Variants in CLSTN2 observed in about 807,000 individuals in gnomAD.
CLSTN2 encodes calsyntenin 2, also known as calsyntenin-2.
In CLSTN2, 48 loss-of-function variants were observed where a neutral mutation model predicts 101.2. The ratio of observed to expected loss-of-function variants is 0.47; its 90% CI spans 0.38 to 0.60. CLSTN2 has a LOEUF of 0.60. Among genes scored for constraint, CLSTN2 ranks in the 20% least tolerant of loss-of-function variants. The pLI is 0.00. For missense variants in CLSTN2, 1,160 were observed against 1,238.2 expected, an observed-to-expected ratio of 0.94 and a Z score of 0.95; for synonymous variants, 481 against 463.6, an observed-to-expected ratio of 1.04 and a Z score of -0.48.
chr3:140,153,043 G>T (rs1273257489), intron 1 of CLSTN2, among the ~76,000 whole-genome samples: 1 of 152,226 alleles, frequency 6.6e-6, no homozygotes, highest in Non-Finnish European at 1.5e-5. Context: ...TCACAGGTTG[G>T]TGTGCGAACA....
At chr3:140,334,608 A>G (rs961318669) in intron 2 of CLSTN2, among the ~76,000 whole-genome samples, 4 of 152,206 alleles carry the variant, frequency 2.6e-5, no homozygotes, top group Non-Finnish European at 5.9e-5. Context: ...CAACAAAAAT[A>G]ATTTCAATAT....
rs530363969 is a variant in CLSTN2 at position 140,354,514 on chromosome 3, G to T, written c.233-49115G>T. Among the ~76,000 whole-genome samples the T allele has an allele frequency of 7.0e-4, 106 of 152,166 alleles. 1 individual carries two copies. The highest frequency in any genetic ancestry group is 1.3e-3 in the Non-Finnish European group (91 of 68,010). On this transcript the variant is annotated intron_variant, in intron 2 of 16. Transcript: ENST00000458420. ...ATTGACAAATTTCCTAGAGCTCTGA[G>T]TGGCACTCTTGGTGGAAAAGGATCT...
intron 2 of CLSTN2, among the ~76,000 whole-genome samples, chr3:140,282,487 G>A (rs2086857638): frequency 6.6e-6 from 1 of 152,186 alleles, no homozygotes. Flanking sequence ...GTGAGGCAGA[G>A]CTTCAGATTA....
intron 1 of CLSTN2, among the ~76,000 whole-genome samples, chr3:140,135,756 C>G (rs962350683): frequency 2.6e-5 from 4 of 152,154 alleles, no homozygotes; most frequent in African/African-American, 9.7e-5. Flanking sequence ...TATGGCTCAA[C>G]TATAATTTTT....
At chr3:140,156,923 C>G (rs984657874) in intron 1 of CLSTN2, among the ~76,000 whole-genome samples, 2 of 152,088 alleles carry the variant, frequency 1.3e-5, no homozygotes, top group Non-Finnish European at 2.9e-5. Flanking sequence ...GTTTGCCTCT[C>G]GGAGGACCTG....
chr3:140,122,476 ATT>A (rs2009359205), intron 1 of CLSTN2, among the ~76,000 whole-genome samples: 1 of 152,224 alleles, frequency 6.6e-6, no homozygotes, highest in African/African-American at 2.4e-5. Flanking sequence ...CAGTATAACT[ATT>A]TTGTTAGATA....
chr3:140,347,623 T>C (rs1025665655), intron 2 of CLSTN2, among the ~76,000 whole-genome samples: 1 of 152,210 alleles, frequency 6.6e-6, no homozygotes, highest in Non-Finnish European at 1.5e-5. Flanking sequence ...CTAGCAAATA[T>C]ACTTTCACAA....
intron 2 of CLSTN2, among the ~76,000 whole-genome samples, chr3:140,295,535 G>T (rs993250321): frequency 6.6e-6 from 1 of 151,888 alleles, no homozygotes; most frequent in African/African-American, 2.4e-5. Context: ...AATTTATTTT[G>T]GTTTAAAGTG....
At chr3:140,514,310 T>G (rs915825761) in intron 8 of CLSTN2, among the ~76,000 whole-genome samples, 1 of 152,160 alleles carries the variant, frequency 6.6e-6, no homozygotes, top group Non-Finnish European at 1.5e-5. Context: ...TGTGTCATTC[T>G]TATGCCTTTG....
Position 140,152,912 on chromosome 3 carries a change from C to A in CLSTN2, c.110-23039C>A, listed in dbSNP as rs80056878. Among the ~76,000 whole-genome samples, 1,478 of 152,324 alleles carry A rather than the reference C, an allele frequency of 9.7e-3. 10 individuals carry two copies. The highest frequency in any genetic ancestry group is 0.027 in the Middle Eastern group (8 of 294). On this transcript the variant is annotated intron_variant, in intron 1 of 16. Transcript: ENST00000458420. ...ACCTGCTGTGTGCAAGCCCTGAGGA[C>A]AGGCCCTGGAGCCAAAGTCTTTTCT...
At chr3:140,429,121 C>T (rs1164983371) in intron 5 of CLSTN2, among the ~76,000 whole-genome samples, 2 of 152,160 alleles carry the variant, frequency 1.3e-5, no homozygotes, top group Non-Finnish European at 2.9e-5. Context: ...TAATCTAATG[C>T]TGGCTAGATT....
chr3:140,424,563 T>A (rs986226602), intron 5 of CLSTN2, among the ~76,000 whole-genome samples: 1 of 152,200 alleles, frequency 6.6e-6, no homozygotes, highest in African/African-American at 2.4e-5. Flanking sequence ...TGGTCTGAGT[T>A]GTATATCTCT....
intron 2 of CLSTN2, among the ~76,000 whole-genome samples, chr3:140,363,456 C>T (rs1325183058): frequency 6.6e-6 from 1 of 152,148 alleles, no homozygotes; most frequent in South Asian, 2.1e-4. Flanking sequence ...GAGATATGCA[C>T]TTACAGTAGG....
At chr3:140,188,397 A>G (rs915967316) in intron 2 of CLSTN2, among the ~76,000 whole-genome samples, 11 of 152,182 alleles carry the variant, frequency 7.2e-5, no homozygotes, top group African/African-American at 2.7e-4. Context: ...GTGGCTTACA[A>G]CCTACCACTA....
intron 5 of CLSTN2, among the ~76,000 whole-genome samples, chr3:140,441,589 G>C (rs559598851): frequency 3.3e-5 from 5 of 152,294 alleles, no homozygotes; most frequent in Non-Finnish European, 5.9e-5. Context: ...GAGAAGGCAG[G>C]GTCTGGAGCC....
At chr3:140,400,359 G>A (rs890089207) in intron 2 of CLSTN2, among the ~76,000 whole-genome samples, 1 of 152,130 alleles carries the variant, frequency 6.6e-6, no homozygotes, top group Non-Finnish European at 1.5e-5. Flanking sequence ...ATGCTCCATT[G>A]TCCCATCAGA....
chr3:140,489,765 C>A (rs893395567), intron 8 of CLSTN2, among the ~76,000 whole-genome samples: 2 of 151,706 alleles, frequency 1.3e-5, no homozygotes. Flanking sequence ...ACATCTTCAC[C>A]TCAGTGTCTC....
At chr3:140,183,759 A>T (rs548189037) in intron 2 of CLSTN2, among the ~76,000 whole-genome samples, 1 of 152,324 alleles carries the variant, frequency 6.6e-6, no homozygotes, top group African/African-American at 2.4e-5. Context: ...GCTAATGTTT[A>T]TACATACCAG....
intron 6 of CLSTN2, among the ~76,000 whole-genome samples, chr3:140,451,446 A>G (rs1016310228): frequency 2.0e-5 from 3 of 152,108 alleles, no homozygotes; most frequent in Non-Finnish European, 4.4e-5. Flanking sequence ...TGCCCTTTGA[A>G]GGAGAGAAGC....
Sources: allele counts gnomAD v4.1 joint callset (sites outside exome capture counted in the v4.1 genomes callset), GRCh38; gene constraint gnomAD v4.1.1; transcripts MANE v1.5; gene names NCBI Gene and HGNC (gene_info 2026-07-23, HGNC 2026-07-21).